FSTL5: variants seen among roughly 807,000 people sequenced by gnomAD.
FSTL5 encodes the protein follistatin-related protein 5.
A neutral mutation model predicts 89.1 loss-of-function variants in FSTL5; 62 were observed. That is an observed-to-expected ratio of 0.70 (90% CI 0.57 to 0.86). The LOEUF (loss-of-function observed/expected upper bound fraction) is 0.86. Ranked by LOEUF, FSTL5 falls within the 40% of genes least tolerant of loss-of-function variation. FSTL5 has a pLI of 0.00. For missense variants in FSTL5, 1,057 were observed against 1,001.6 expected (o/e 1.06, Z -0.75); for synonymous variants, 383 against 346.2 (o/e 1.11, Z -1.18).
intron 1 of FSTL5, among the ~76,000 whole-genome samples, chr4:162,154,869 G>C (rs1733406120): frequency 1.3e-5 from 2 of 151,790 alleles, no homozygotes; most frequent in African/African-American, 4.8e-5. Flanking sequence ...GATTTAATTA[G>C]GAAGAACAGC....
intron 4 of FSTL5, among the ~76,000 whole-genome samples, chr4:161,894,971 C>T (rs923048270): frequency 7.9e-5 from 12 of 152,208 alleles, no homozygotes; most frequent in South Asian, 4.1e-4. Flanking sequence ...TAATAGCTAT[C>T]ATACACATGC....
intron 1 of FSTL5, among the ~76,000 whole-genome samples, chr4:162,153,885 A>G (rs1733365321): frequency 1.3e-5 from 2 of 150,822 alleles, no homozygotes; most frequent in Admixed American, 1.3e-4. Context: ...GGCTCACCAC[A>G]ACCTCCACCC....
At chr4:161,661,103 A>T (rs1736692195) in intron 6 of FSTL5, among the ~76,000 whole-genome samples, 1 of 152,196 alleles carries the variant, frequency 6.6e-6, no homozygotes, top group Admixed American at 6.6e-5. Context: ...ATTTTAACAC[A>T]TATAGAAAAA....
At chr4:162,104,217 C>T (rs552453728) in intron 2 of FSTL5, among the ~76,000 whole-genome samples, 6 of 152,324 alleles carry the variant, frequency 3.9e-5, no homozygotes, top group Admixed American at 1.3e-4. Context: ...TCCTGCACGG[C>T]TAAGTGCCTG....
At chr4:161,845,314 C>T (rs359119) in intron 4 of FSTL5, among the ~76,000 whole-genome samples, 149,705 of 152,304 alleles carry the variant, frequency 0.98, 73,623 homozygotes, top group Non-Finnish European at 1. Context: ...TCTCTACTTA[C>T]GTTGTCTCTC....
chr4:161,843,124 C>T (rs1010120156), intron 4 of FSTL5, among the ~76,000 whole-genome samples: 1 of 152,042 alleles, frequency 6.6e-6, no homozygotes, highest in African/African-American at 2.4e-5. Flanking sequence ...ATTGAATAAC[C>T]ATCACATTAT....
intron 2 of FSTL5, among the ~76,000 whole-genome samples, chr4:162,052,000 TTTG>T (rs1489388804): frequency 8.6e-5 from 13 of 151,598 alleles, no homozygotes; most frequent in Non-Finnish European, 1.8e-4. Flanking sequence ...TGAATTAGAA[TTTG>T]TTGTCATTAG....
At chr4:161,853,739 T>C (rs1023456559) in intron 4 of FSTL5, among the ~76,000 whole-genome samples, 5 of 152,192 alleles carry the variant, frequency 3.3e-5, no homozygotes, top group Admixed American at 2.6e-4. Context: ...TTTACTCCTC[T>C]TTATCCTGAT....
chr4:162,152,953 CA>C (rs1295877270), intron 1 of FSTL5, among the ~76,000 whole-genome samples: 1 of 151,688 alleles, frequency 6.6e-6, no homozygotes, highest in Non-Finnish European at 1.5e-5. Context: ...AAGAAAACCA[CA>C]AAAAGTAATT....
chr4:161,766,736 A>G (rs150118982), intron 5 of FSTL5, among the ~76,000 whole-genome samples: 2 of 152,216 alleles, frequency 1.3e-5, no homozygotes, highest in Non-Finnish European at 2.9e-5. Context: ...AATTTTTCTC[A>G]TATCTGTTGT....
intron 3 of FSTL5, among the ~76,000 whole-genome samples, chr4:162,004,454 C>G (rs1460600782): frequency 6.6e-6 from 1 of 152,148 alleles, no homozygotes; most frequent in African/African-American, 2.4e-5. Context: ...ACCTCCACTT[C>G]ACTCAAAATG....
chr4:161,997,785 T>C (rs1399062422), intron 3 of FSTL5, among the ~76,000 whole-genome samples: 4 of 123,370 alleles, frequency 3.2e-5, no homozygotes, highest in East Asian at 4.5e-4. Flanking sequence ...TTCGTATTTT[T>C]AGTAGAGACG....
At chr4:161,962,239 CT>C (rs1218320116) in intron 3 of FSTL5, among the ~76,000 whole-genome samples, 3 of 151,752 alleles carry the variant, frequency 2.0e-5, no homozygotes, top group Admixed American at 6.6e-5. Context: ...TACATTTTGA[CT>C]ATTTATATAA....
At chr4:161,647,432 T>C (rs1277596726) in intron 7 of FSTL5, among the ~76,000 whole-genome samples, 3 of 152,132 alleles carry the variant, frequency 2.0e-5, no homozygotes, top group Admixed American at 6.6e-5. Context: ...AATACTTTAG[T>C]TTTGTTTCTT....
At chr4:161,548,988 A>G (rs1412993928) in intron 8 of FSTL5, among the ~76,000 whole-genome samples, 1 of 151,854 alleles carries the variant, frequency 6.6e-6, no homozygotes, top group Non-Finnish European at 1.5e-5. Context: ...GAAAGCAAAT[A>G]GTTCTGGATG....
At chr4:161,710,364 A>G (rs978635795) in intron 6 of FSTL5, among the ~76,000 whole-genome samples, 1 of 152,158 alleles carries the variant, frequency 6.6e-6, no homozygotes, top group African/African-American at 2.4e-5. Flanking sequence ...ATCAGTTTTG[A>G]TTCTATAGCA....
At chr4:161,957,080 T>C (rs1041080042) in intron 3 of FSTL5, among the ~76,000 whole-genome samples, 11 of 151,932 alleles carry the variant, frequency 7.2e-5, no homozygotes, top group Non-Finnish European at 1.3e-4. Context: ...CTAACAAAAA[T>C]AAATTAATTT....
At chr4:161,513,846 G>A (rs1299411570) in intron 10 of FSTL5, among the ~76,000 whole-genome samples, 1 of 152,108 alleles carries the variant, frequency 6.6e-6, no homozygotes, top group Non-Finnish European at 1.5e-5. Flanking sequence ...GTGGTGGATA[G>A]GAGGAGAGAG....
At chr4:161,586,230 T>C in intron 8 of FSTL5, among the ~76,000 whole-genome samples, 1 of 152,224 alleles carries the variant, frequency 6.6e-6, no homozygotes, top group African/African-American at 2.4e-5. Flanking sequence ...CTCAGATTTA[T>C]GACTTTCAAT....
Sources: allele counts gnomAD v4.1 joint callset (sites outside exome capture counted in the v4.1 genomes callset), GRCh38; gene constraint gnomAD v4.1.1; transcripts MANE v1.5; gene names NCBI Gene and HGNC (gene_info 2026-07-23, HGNC 2026-07-21).